The following BLOC1S3 variants were observed in gnomAD, a reference collection of about 807,000 sequenced individuals.
BLOC1S3 encodes biogenesis of lysosome-related organelles complex 1 subunit 3.
In BLOC1S3, 7 loss-of-function variants were observed where a neutral mutation model predicts 9.1. The ratio of observed to expected loss-of-function variants is 0.77; its 90% CI spans 0.44 to 1.45. The LOEUF (loss-of-function observed/expected upper bound fraction) is 1.45, where lower values mean the gene tolerates loss of function less well. BLOC1S3 is among the 40% of genes most tolerant of loss of function. BLOC1S3 has a pLI of 0.01. For missense variants in BLOC1S3, 307 were observed against 315.2 expected (o/e 0.97, Z 0.20); for synonymous variants, 145 against 158.4 (o/e 0.92, Z 0.64).
chr19:45,215,135 T>C (rs1409882219), intron 3 of BLOC1S3, among the ~76,000 whole-genome samples: 1 of 152,042 alleles, frequency 6.6e-6, no homozygotes, highest in African/African-American at 2.4e-5. Flanking sequence ...AGTGAGACTC[T>C]GTCTCAAAAA....
intron 2 of BLOC1S3, among the ~76,000 whole-genome samples, chr19:45,189,106 G>A (rs1032034624): frequency 2.6e-5 from 4 of 151,172 alleles, no homozygotes; most frequent in African/African-American, 4.9e-5. Flanking sequence ...CACTGTGCCC[G>A]GCTGTTCTTT....
intron 3 of BLOC1S3, among the ~76,000 whole-genome samples, chr19:45,215,879 C>T (rs1341146942): frequency 6.6e-6 from 1 of 152,138 alleles, no homozygotes; most frequent in Non-Finnish European, 1.5e-5. Flanking sequence ...GTGGCGGTGG[C>T]GGCGGAGGCA....
At position 45,181,620 on chromosome 19, in the gene BLOC1S3, T is replaced by G. The variant is rs1478217467; in HGVS notation, c.*1715T>G. 1 of 167,100 alleles carries G rather than the reference T, an allele frequency of 6.0e-6. No homozygotes were observed. The highest frequency in any genetic ancestry group is 1.5e-5 in the Non-Finnish European group (1 of 68,142). 10.4% of individuals were successfully genotyped at this position (167,100 alleles called of 1,614,324 possible). A position where few individuals can be genotyped will look rare whatever the true frequency, so the allele number is the denominator to read the frequency against. On this transcript the variant is annotated 3_prime_UTR_variant, in exon 2 of 2. Coordinates refer to ENST00000433642, the MANE Select transcript of BLOC1S3 (RefSeq NM_212550.5). The stretch of plus-strand genomic sequence containing the variant: ...GGGGTTAGCAGTCTCTTTCTGCTCC[T>G]TTTCACCTGTGTTTTCTTCCGATCC...
intron 2 of BLOC1S3, among the ~76,000 whole-genome samples, chr19:45,190,772 CTTTTATTTTA>C (rs60943621): frequency 1.2e-3 from 118 of 95,188 alleles, no homozygotes; most frequent in Middle Eastern, 4.6e-3. Context: ...GTCACTGATG[CTTTTATTTTA>C]TTTTATTTTA....
chr19:45,208,068 G>A (rs556097411), intron 3 of BLOC1S3, among the ~76,000 whole-genome samples: 1 of 151,424 alleles, frequency 6.6e-6, no homozygotes, highest in East Asian at 2.0e-4. Flanking sequence ...TCTACCTCCT[G>A]GGTTCAAGCG....
At chr19:45,215,978 T>C (rs1599759719) in intron 3 of BLOC1S3, 1 of 1,536,696 alleles carries the variant, frequency 6.5e-7, no homozygotes. Context: ...ACCGGCTCCC[T>C]CCCTCAGGAG....
At chr19:45,215,516 C>A (rs1017094797) in intron 3 of BLOC1S3, among the ~76,000 whole-genome samples, 3 of 151,938 alleles carry the variant, frequency 2.0e-5, no homozygotes, top group African/African-American at 7.3e-5. Context: ...TTATTTAGGT[C>A]TGAAATAAGA....
chr19:45,190,395 T>A (rs1568472857), intron 2 of BLOC1S3, among the ~76,000 whole-genome samples: 1 of 151,594 alleles, frequency 6.6e-6, no homozygotes, highest in Non-Finnish European at 1.5e-5. Flanking sequence ...ATATATATAG[T>A]TTTTGTTTGT....
chr19:45,201,318 C>A (rs1969689189), intron 2 of BLOC1S3, among the ~76,000 whole-genome samples: 1 of 152,074 alleles, frequency 6.6e-6, no homozygotes, highest in African/African-American at 2.4e-5. Flanking sequence ...TTTCTCCAAA[C>A]AAACGCAGTC....
Position 45,179,477 on chromosome 19 carries a change from G to A in BLOC1S3, c.181G>A (p.Ala61Thr), listed in dbSNP as rs770544477. Residue 61 changes from alanine to threonine, a missense_variant, in exon 2 of 2, where the codon GCG (alanine) becomes ACG (threonine). By Grantham distance (58) the Ala-to-Thr change is moderately conservative. Transcript: ENST00000433642. This position sits in a 1 kb window ranked among gnomAD's most constrained non-coding sequence, Gnocchi z 4.6. Reference sequence around the variant, plus strand: ...GGGGCTGCGGGTGGCTGGGGAAGCCGCGGAGACCGACTCGGAGCCGGAGCC... The same window carrying A: ...GGGGCTGCGGGTGGCTGGGGAAGCCACGGAGACCGACTCGGAGCCGGAGCC... ...PTGLRVAGEA[A>T]ETDSEPEPEP... 46 of 1,523,584 alleles carry A rather than the reference G, an allele frequency of 3.0e-5. No individual in the cohort carries two copies. The African/African-American group carries it at 4.9e-4, about 16-fold the overall frequency. 94.4% of individuals were successfully genotyped at this position (1,523,584 alleles called of 1,614,324 possible).
At position 45,179,399 on chromosome 19, in the gene BLOC1S3, G is replaced by T. The variant is rs752914054; in HGVS notation, c.103G>T (p.Glu35Ter). The T allele has an allele frequency of 9.5e-6, 15 of 1,570,888 alleles. 1 individual carries two copies. The Middle Eastern group carries it at 1.7e-3, about 175-fold the overall frequency. The part of the protein sequence containing the change: ...TDSERSASSS[E>*]EEELYLGPSG... ...TTCCGAGCGCTCTGCGTCCTCGTCGGAGGAGGAGGAGCTGTACCTGGGTCC... is the reference window on the plus strand; with the variant it reads ...TTCCGAGCGCTCTGCGTCCTCGTCGTAGGAGGAGGAGCTGTACCTGGGTCC... The change falls in exon 2 of 2, where the codon GAG becomes TAG. Residue 35 changes from glutamate (E) to a stop codon, truncating the protein, a stop_gained. Transcript: ENST00000433642. LOFTEE classifies it high-confidence loss of function. The surrounding 1 kb of genome is among the most constrained non-coding windows in gnomAD (Gnocchi z 4.6).
chr19:45,191,263 C>T (rs1969605716), intron 2 of BLOC1S3, among the ~76,000 whole-genome samples: 1 of 152,060 alleles, frequency 6.6e-6, no homozygotes, highest in Admixed American at 6.6e-5. Flanking sequence ...GCTGGGATTA[C>T]AGGCATGCAC....
intron 2 of BLOC1S3, among the ~76,000 whole-genome samples, chr19:45,190,314 T>A (rs1390414877): frequency 6.6e-6 from 1 of 151,998 alleles, no homozygotes; most frequent in East Asian, 1.9e-4. Flanking sequence ...TTCTTCTGTG[T>A]TATCTTGAAT....
chr19:45,191,890 C>T (rs601164), intron 2 of BLOC1S3, among the ~76,000 whole-genome samples: 10,706 of 152,282 alleles, frequency 0.07, 674 homozygotes, highest in African/African-American at 0.17. Flanking sequence ...CAGCCCAACA[C>T]GGGGTCTCCC....
upstream of BLOC1S3, among the ~76,000 whole-genome samples, chr19:45,187,024 T>G (rs116958755): frequency 0.028 from 4,270 of 152,252 alleles, 81 homozygotes; most frequent in South Asian, 0.074. Context: ...CCCCTGCAGC[T>G]CCACTGGAGA....
chr19:45,183,009 CAG>C (rs568680574), downstream of BLOC1S3, among the ~76,000 whole-genome samples: 6 of 152,098 alleles, frequency 3.9e-5, no homozygotes, highest in African/African-American at 1.4e-4. Flanking sequence ...GAGTTGCAGA[CAG>C]GGAGAACAGC....
At chr19:45,203,435 A>G (rs632235) in intron 3 of BLOC1S3, among the ~76,000 whole-genome samples, 103,535 of 151,890 alleles carry the variant, frequency 0.68, 37,030 homozygotes, top group African/African-American at 0.92. Flanking sequence ...CACCATTCCC[A>G]GCTAATTTTT....
rs569622444 is a variant in BLOC1S3 at position 45,179,132 on chromosome 19, A to G, written c.-9-156A>G. 1.3e-6 allele frequency: 1 copy of G among 763,098 alleles called. No homozygotes were observed. The highest frequency in any genetic ancestry group is 1.9e-5 in the African/African-American group (1 of 53,878). The allele number at this position is 763,098 out of a possible 1,614,324, so 47.3% of individuals were successfully genotyped here. A position where few individuals can be genotyped will look rare whatever the true frequency, so the allele number is the denominator to read the frequency against. On this transcript the variant is annotated intron_variant, in intron 1 of 1. Transcript: ENST00000433642. The surrounding 1 kb of genome is among the most constrained non-coding windows in gnomAD (Gnocchi z 4.6). ...CTGGGGTCCAGTAACCCCCATCATCACCCAGTTTACAGAAGAGGAAACTGA... is the reference window on the plus strand; with the variant it reads ...CTGGGGTCCAGTAACCCCCATCATCGCCCAGTTTACAGAAGAGGAAACTGA...
intron 2 of BLOC1S3, among the ~76,000 whole-genome samples, chr19:45,199,910 C>A (rs936396464): frequency 1.3e-5 from 2 of 152,072 alleles, no homozygotes; most frequent in African/African-American, 4.8e-5. Context: ...GGATTACAGG[C>A]ATGCACCACC....
Sources: gnomAD v4.1 joint callset for allele counts (sites outside exome capture counted in the v4.1 genomes callset) on GRCh38, gnomAD v4.1.1 for gene constraint, Gnocchi (gnomAD v3.1) non-coding constraint, MANE v1.5 for transcripts, NCBI Gene and HGNC (gene_info 2026-07-23, HGNC 2026-07-21) for gene names.